POLD3: variants seen among roughly 807,000 people sequenced by gnomAD.
POLD3 encodes DNA polymerase delta 3, accessory subunit.
In POLD3, 19 loss-of-function variants were observed where a neutral mutation model predicts 58.2. The observed-to-expected ratio is 0.33, with a 90% CI of 0.23 to 0.48. POLD3 has a LOEUF of 0.48. POLD3 is among the 20% of genes least tolerant of loss of function. The pLI is 0.99. For missense variants in POLD3, 504 were observed against 545.5 expected (o/e 0.92, Z 0.76); for synonymous variants, 172 against 193.5 (o/e 0.89, Z 0.92).
At chr11:74,646,091 G>C (rs2032995629), downstream of POLD3, among the ~76,000 whole-genome samples, 2 of 152,036 alleles carry the variant, frequency 1.3e-5, no homozygotes. Flanking sequence ...TCCTGCCTCA[G>C]CCTCCCGAGT....
rs1490414173 is a variant in POLD3 at position 74,642,373 on chromosome 11, G to GA, written c.*1613dup. 1.3e-5 allele frequency: 13 copies of GA among 985,196 alleles called. No individual in the cohort carries two copies. Among genetic ancestry groups the GA allele is most frequent in the African/African-American group, 1.7e-5 (1 of 57,214 alleles). The allele number at this position is 985,196 out of a possible 1,614,324, so 61.0% of individuals were successfully genotyped here. ...TGGAAAGCCTGGACTTAAACCTTTA[G>GA]AAAAAACTTCTGGAGAGAAATCCCT... On this transcript the variant is annotated 3_prime_UTR_variant, in exon 12 of 12. Transcript: ENST00000263681.
At chr11:74,622,977 C>T (rs1009790132) in intron 7 of POLD3, among the ~76,000 whole-genome samples, 1 of 152,058 alleles carries the variant, frequency 6.6e-6, no homozygotes, top group Non-Finnish European at 1.5e-5. Context: ...GGTGGTATAT[C>T]CAGACAATGA....
At chr11:74,605,253 G>A (rs1357778902) in intron 3 of POLD3, among the ~76,000 whole-genome samples, 1 of 152,204 alleles carries the variant, frequency 6.6e-6, no homozygotes, top group Non-Finnish European at 1.5e-5. Flanking sequence ...AGCTAATGCA[G>A]TGCATAGGCT....
chr11:74,626,142 T>C (rs1346210068), intron 8 of POLD3, among the ~76,000 whole-genome samples: 3 of 152,142 alleles, frequency 2.0e-5, no homozygotes, highest in Non-Finnish European at 2.9e-5. Context: ...TCAACACTGA[T>C]AGGCCTAGAA....
Position 74,640,831 on chromosome 11 carries a change from T to G in POLD3, c.*65T>G. 5 of 1,419,606 alleles carry G rather than the reference T, an allele frequency of 3.5e-6. No individual in the cohort carries two copies. Among genetic ancestry groups the G allele is most frequent in the Non-Finnish European group, 4.6e-6 (5 of 1,083,468 alleles). The allele number at this position is 1,419,606 out of a possible 1,614,324, so 87.9% of individuals were successfully genotyped here. ...GGGAGAAGACCAAGAAATGTACTCC[T>G]CACTTACTATGTAAGTTCATCTAGA... On this transcript the variant is annotated 3_prime_UTR_variant, in exon 12 of 12. Coordinates refer to ENST00000263681, the MANE Select transcript of POLD3 (RefSeq NM_006591.3).
At chr11:74,622,541 T>C (rs2032297056) in intron 7 of POLD3, among the ~76,000 whole-genome samples, 1 of 152,248 alleles carries the variant, frequency 6.6e-6, no homozygotes, top group East Asian at 1.9e-4. Context: ...TTGACATTTC[T>C]TCAAGGCTGA....
intron 4 of POLD3, among the ~76,000 whole-genome samples, chr11:74,653,344 C>A (rs905204372): frequency 2.6e-5 from 4 of 152,162 alleles, no homozygotes; most frequent in Non-Finnish European, 5.9e-5. Context: ...TAGTGTGGTC[C>A]ATAACATAAG....
intron 7 of POLD3, among the ~76,000 whole-genome samples, chr11:74,624,790 A>T (rs1218139826): frequency 6.6e-6 from 1 of 152,184 alleles, no homozygotes; most frequent in Non-Finnish European, 1.5e-5. Context: ...CTTTTCTGTC[A>T]GTGTTACCTG....
intron 1 of POLD3, 173 bp downstream of exon 1, chr11:74,592,891 G>C: frequency 6.9e-7 from 1 of 1,444,186 alleles, no homozygotes; most frequent in Non-Finnish European, 9.1e-7. Flanking sequence ...AGGACTCGTC[G>C]GGAAGGTCCT....
At chr11:74,593,811 G>A (rs1565108062) in intron 1 of POLD3, among the ~76,000 whole-genome samples, 2 of 152,158 alleles carry the variant, frequency 1.3e-5, no homozygotes, top group African/African-American at 2.4e-5. Context: ...AGTTTTTTCT[G>A]TTAGGTATGT....
downstream of POLD3, among the ~76,000 whole-genome samples, chr11:74,647,758 G>T (rs1409325017): frequency 1.3e-5 from 2 of 152,128 alleles, no homozygotes; most frequent in African/African-American, 4.8e-5. Context: ...ACAGATTTTT[G>T]ACTAAAAGTT....
chr11:74,664,134 G>T (rs894871611), intron 4 of POLD3, among the ~76,000 whole-genome samples: 2 of 152,214 alleles, frequency 1.3e-5, no homozygotes, highest in African/African-American at 4.8e-5. Context: ...GGTGGCAACA[G>T]CTTAAGTGGT....
In POLD3 at chr11:74,668,862, G is replaced by C. The variant is rs377194637; in HGVS notation, c.*6G>C. The C allele has an allele frequency of 1.7e-4, 184 of 1,097,276 alleles. No homozygotes were observed. In the African/African-American group the frequency reaches 2.7e-3, roughly 16 times the overall value. The allele number at this position is 1,097,276 out of a possible 1,614,324, so 68.0% of individuals were successfully genotyped here. A position where few individuals can be genotyped will look rare whatever the true frequency, so the allele number is the denominator to read the frequency against. On this transcript the variant is annotated 3_prime_UTR_variant, in exon 5 of 5. Transcript: ENST00000524752. Reference sequence around the variant, plus strand: ...TCCAGCGGTTGGAGAGGTAGGGTAGGATCTGAAGATCTCAAGCCTCGGAAG... The same window carrying C: ...TCCAGCGGTTGGAGAGGTAGGGTAGCATCTGAAGATCTCAAGCCTCGGAAG...
chr11:74,616,430 G>C (rs7109001), intron 5 of POLD3, among the ~76,000 whole-genome samples: 4,931 of 152,280 alleles, frequency 0.032, 271 homozygotes, highest in African/African-American at 0.11. Context: ...CATACTCCTA[G>C]CCTAACTCGG....
chr11:74,640,297 G>A (rs1384273818), intron 11 of POLD3, among the ~76,000 whole-genome samples: 1 of 152,198 alleles, frequency 6.6e-6, no homozygotes, highest in Non-Finnish European at 1.5e-5. Flanking sequence ...CTGATAAAGG[G>A]CCATTTAAAG....
At chr11:74,609,750 A>C (rs931855232) in intron 3 of POLD3, among the ~76,000 whole-genome samples, 1 of 152,138 alleles carries the variant, frequency 6.6e-6, no homozygotes, top group Admixed American at 6.5e-5. Flanking sequence ...AAATGTTTTC[A>C]TACGTGCAAA....
intron 11 of POLD3, chr11:74,638,698 T>C (rs933560902): frequency 2.2e-6 from 1 of 455,818 alleles, no homozygotes; most frequent in Non-Finnish European, 4.4e-6. Context: ...GGGAATTCTC[T>C]AATTATCTTA....
downstream of POLD3, among the ~76,000 whole-genome samples, chr11:74,646,577 A>G (rs1399282772): frequency 1.3e-5 from 2 of 152,262 alleles, no homozygotes; most frequent in Non-Finnish European, 2.9e-5. Flanking sequence ...CAAATAGAGC[A>G]TACTGCTGTA....
At chr11:74,639,893 G>A (rs1388142454) in intron 11 of POLD3, among the ~76,000 whole-genome samples, 1 of 152,190 alleles carries the variant, frequency 6.6e-6, no homozygotes, top group Non-Finnish European at 1.5e-5. Flanking sequence ...TCATCCGATA[G>A]CATTTGCTTG....
Sources: gnomAD v4.1 joint callset for allele counts (sites outside exome capture counted in the v4.1 genomes callset) on GRCh38, gnomAD v4.1.1 for gene constraint, MANE v1.5 for transcripts, NCBI Gene and HGNC (gene_info 2026-07-23, HGNC 2026-07-21) for gene names.